Variants in CORIN observed in about 807,000 individuals in gnomAD.
CORIN encodes corin, serine peptidase.
In CORIN, 117 loss-of-function variants were observed where a neutral mutation model predicts 125.3. The observed-to-expected ratio is 0.93, with a 90% CI of 0.80 to 1.09. CORIN has a LOEUF of 1.09. Ranked by LOEUF, CORIN falls within the 50% of genes least tolerant of loss-of-function variation. The pLI is 0.00. For missense variants in CORIN, 1,253 were observed against 1,306.7 expected, an observed-to-expected ratio of 0.96 and a Z score of 0.63; for synonymous variants, 450 against 466.4, an observed-to-expected ratio of 0.96 and a Z score of 0.45.
At chr4:47,695,621 G>T (rs1725958463) in intron 5 of CORIN, among the ~76,000 whole-genome samples, 1 of 152,138 alleles carries the variant, frequency 6.6e-6, no homozygotes, top group African/African-American at 2.4e-5. Flanking sequence ...AAGTGTGGCT[G>T]TCCTTGGTTT....
chr4:47,695,662 G>A (rs1725960589), intron 5 of CORIN, among the ~76,000 whole-genome samples: 1 of 152,060 alleles, frequency 6.6e-6, no homozygotes, highest in Non-Finnish European at 1.5e-5. Context: ...CTGTATTCTT[G>A]TTCTTTTTTG....
chr4:47,601,129 G>A (rs1396521799), intron 20 of CORIN, among the ~76,000 whole-genome samples: 2 of 152,214 alleles, frequency 1.3e-5, no homozygotes, highest in Non-Finnish European at 2.9e-5. Context: ...GATGCAGACA[G>A]TGGATGTTTC....
At chr4:47,646,559 T>C (rs766541085) in intron 13 of CORIN, among the ~76,000 whole-genome samples, 1 of 152,240 alleles carries the variant, frequency 6.6e-6, no homozygotes, top group African/African-American at 2.4e-5. Flanking sequence ...AATATGTTTA[T>C]GTCATTCCGG....
At chr4:47,772,305 G>A (rs190148678) in intron 3 of CORIN, among the ~76,000 whole-genome samples, 22 of 152,334 alleles carry the variant, frequency 1.4e-4, no homozygotes, top group African/African-American at 3.6e-4. Flanking sequence ...GGCCTCGGCC[G>A]ATGTGTAGGA....
At chr4:47,685,868 T>C (rs1725489495) in intron 6 of CORIN, among the ~76,000 whole-genome samples, 2 of 150,890 alleles carry the variant, frequency 1.3e-5, no homozygotes, top group Admixed American at 1.3e-4. Flanking sequence ...GCAGATGAAA[T>C]AGCAAGAACA....
At chr4:47,692,638 C>CT (rs1725820253) in intron 6 of CORIN, among the ~76,000 whole-genome samples, 3 of 152,024 alleles carry the variant, frequency 2.0e-5, no homozygotes, top group Non-Finnish European at 2.9e-5. Context: ...TAAAAATGTC[C>CT]TTTTTTAAAA....
intron 4 of CORIN, among the ~76,000 whole-genome samples, chr4:47,760,789 G>C (rs1221919178): frequency 6.6e-6 from 1 of 152,160 alleles, no homozygotes; most frequent in Non-Finnish European, 1.5e-5. Context: ...CTGAAAATCT[G>C]CTGTTTAGTG....
intron 6 of CORIN, 75 bp from the exon 7 acceptor site, chr4:47,683,913 G>A (rs993810456): frequency 9.1e-7 from 1 of 1,096,338 alleles, no homozygotes; most frequent in African/African-American, 1.6e-5. Flanking sequence ...TTTAACAAAA[G>A]CCAATCATGG....
At chr4:47,734,237 A>G (rs1364227451) in intron 5 of CORIN, among the ~76,000 whole-genome samples, 1 of 152,224 alleles carries the variant, frequency 6.6e-6, no homozygotes, top group Non-Finnish European at 1.5e-5. Context: ...AGAAAGGAGA[A>G]TGGGGTACAT....
At chr4:47,666,541 T>C (rs1724491830) in intron 10 of CORIN, among the ~76,000 whole-genome samples, 2 of 152,188 alleles carry the variant, frequency 1.3e-5, no homozygotes, top group African/African-American at 4.8e-5. Context: ...TGAACATTTG[T>C]GTATCTCCAT....
At chr4:47,653,467 TG>T (rs1320005852) in intron 13 of CORIN, 85 bp downstream of exon 13, 9 of 1,022,666 alleles carry the variant, frequency 8.8e-6, no homozygotes, top group Non-Finnish European at 1.4e-5. Context: ...CTACTATCAG[TG>T]AATAGTTTCC....
At chr4:47,711,023 C>G (rs1032292353) in intron 5 of CORIN, among the ~76,000 whole-genome samples, 32 of 152,266 alleles carry the variant, frequency 2.1e-4, no homozygotes, top group African/African-American at 6.7e-4. Flanking sequence ...TGAAGGCAGC[C>G]CTGCCCTCAG....
chr4:47,746,581 G>C (rs1445213129), intron 4 of CORIN, among the ~76,000 whole-genome samples: 1 of 150,950 alleles, frequency 6.6e-6, no homozygotes, highest in Non-Finnish European at 1.5e-5. Context: ...TTGTTGCCCT[G>C]GCTAGACTGC....
intron 12 of CORIN, among the ~76,000 whole-genome samples, chr4:47,657,167 G>T (rs1724023110): frequency 6.6e-6 from 1 of 152,104 alleles, no homozygotes; most frequent in Non-Finnish European, 1.5e-5. Context: ...CCATGTTCAT[G>T]GATTGGAAGA....
At chr4:47,716,475 AC>A (rs1461023904) in intron 5 of CORIN, among the ~76,000 whole-genome samples, 4 of 152,184 alleles carry the variant, frequency 2.6e-5, no homozygotes, top group African/African-American at 9.7e-5. Flanking sequence ...CCGTGTAAAC[AC>A]CCTTGCCCTC....
At chr4:47,753,117 C>A (rs943559619) in intron 4 of CORIN, among the ~76,000 whole-genome samples, 4 of 152,108 alleles carry the variant, frequency 2.6e-5, no homozygotes, top group Non-Finnish European at 4.4e-5. Context: ...TGTTGGGCCT[C>A]CAGGGGTGAC....
chr4:47,819,255 C>A (rs929870422), intron 1 of CORIN, among the ~76,000 whole-genome samples: 2 of 152,144 alleles, frequency 1.3e-5, no homozygotes, highest in Non-Finnish European at 2.9e-5. Context: ...TGAAAGCATT[C>A]AGCAGACCCA....
intron 4 of CORIN, among the ~76,000 whole-genome samples, chr4:47,757,449 C>CT (rs1324792577): frequency 1.3e-5 from 2 of 151,846 alleles, no homozygotes; most frequent in Non-Finnish European, 2.9e-5. Context: ...CAAAAATTAG[C>CT]CAGGCGCGGT....
intron 20 of CORIN, among the ~76,000 whole-genome samples, chr4:47,602,916 T>G (rs1170883523): frequency 2.0e-5 from 3 of 152,114 alleles, no homozygotes; most frequent in African/African-American, 7.2e-5. Flanking sequence ...ACCCAGGCAG[T>G]GGTGAGATCT....
Sources: gnomAD v4.1 joint callset for allele counts (sites outside exome capture counted in the v4.1 genomes callset) on GRCh38, gnomAD v4.1.1 for gene constraint, MANE v1.5 for transcripts, NCBI Gene and HGNC (gene_info 2026-07-23, HGNC 2026-07-21) for gene names.